SLC6A12: variants seen among roughly 807,000 people sequenced by gnomAD.
SLC6A12 encodes sodium- and chloride-dependent betaine transporter.
Under a neutral mutation model 73.3 loss-of-function variants are expected in SLC6A12, and 50 were observed. The ratio of observed to expected loss-of-function variants is 0.68; its 90% CI spans 0.54 to 0.86. The LOEUF (loss-of-function observed/expected upper bound fraction) is 0.86. Ranked by LOEUF, SLC6A12 falls within the 40% of genes least tolerant of loss-of-function variation. The pLI is 0.00. For synonymous variants in SLC6A12, 304 were observed against 309.2 expected (o/e 0.98, Z 0.18); for missense variants, 648 against 772.8 (o/e 0.84, Z 1.92).
At chr12:212,348 G>A (rs1453165531) in intron 1 of SLC6A12, among the ~76,000 whole-genome samples, 1 of 152,192 alleles carries the variant, frequency 6.6e-6, no homozygotes, top group Admixed American at 6.5e-5. Context: ...TGGGAGAGTG[G>A]AGGCTTGCTG....
chr12:211,969 G>C (rs1940918975), intron 2 of SLC6A12, 57 bp downstream of exon 2: 1 of 152,226 alleles, frequency 6.6e-6, no homozygotes, highest in Admixed American at 6.5e-5. Context: ...TTAAGGAACA[G>C]TGCCTGGCAC....
intron 3 of SLC6A12, among the ~76,000 whole-genome samples, chr12:206,095 G>A (rs181643259): frequency 1.1e-3 from 162 of 152,178 alleles, no homozygotes; most frequent in African/African-American, 3.7e-3. Context: ...CATAATATAA[G>A]CCACTTTAAC....
intron 3 of SLC6A12, among the ~76,000 whole-genome samples, chr12:205,794 C>CT (rs1466160540): frequency 1.3e-5 from 2 of 152,172 alleles, no homozygotes; most frequent in Non-Finnish European, 2.9e-5. Context: ...TTGATAACCA[C>CT]TTTTTAAATT....
intron 11 of SLC6A12, 25 bp from the exon 12 acceptor site, chr12:196,286 T>A (rs1457294573): frequency 6.2e-7 from 1 of 1,601,746 alleles, no homozygotes; most frequent in East Asian, 2.2e-5. Context: ...GGGAACTGGA[T>A]GAGAGGGTGT....
rs1371026173 is a variant in SLC6A12 at position 200,766 on chromosome 12, A to T, written c.596T>A (p.Ile199Asn). The change falls in exon 7 of 16, where the codon ATC (isoleucine) becomes AAC (asparagine). Residue 199 changes from isoleucine to asparagine, a missense_variant. Physicochemically the swap from Ile to Asn is moderately radical, Grantham distance 149 (BLOSUM62 -3). Transcript: ENST00000684302. ...MEFWERRVLG[I>N]TSGIHDLGSL... Reference sequence around the variant, plus strand: ...GCCCAGGTCATGGATGCCCGAGGTGATGCCCAGAACTCGTCTCCTGGAGGA... The same window carrying T: ...GCCCAGGTCATGGATGCCCGAGGTGTTGCCCAGAACTCGTCTCCTGGAGGA... 1.2e-6 allele frequency: 2 copies of T among 1,613,864 alleles called. No individual in the cohort carries two copies.
Position 195,123 on chromosome 12 carries a change from C to G in SLC6A12, c.1429+102G>C, listed in dbSNP as rs1366865942. 4 of 749,834 alleles carry G rather than the reference C, an allele frequency of 5.3e-6. No individual in the cohort carries two copies. In the African/African-American group the frequency reaches 6.9e-5, roughly 13 times the overall value. The allele number at this position is 749,834 out of a possible 1,614,324, so 46.4% of individuals were successfully genotyped here. On this transcript the variant is annotated intron_variant, in intron 13 of 15. Transcript: ENST00000684302. ...GCAACAGCGCAAAGACACACAGAAA[C>G]CAGGGGACCAGAGAACGGCCTCCCC...
rs947627774 is a variant in SLC6A12, at chr12:200,895, G to C, written c.579-112C>G. The stretch of plus-strand genomic sequence containing the variant: ...TGACCCCACGGATCTCATATTCCAG[G>C]GCTTCCCCCACTCCCCACCTCCCCC... On this transcript the variant is annotated intron_variant, in intron 6 of 15. Coordinates refer to ENST00000684302, the MANE Select transcript of SLC6A12 (RefSeq NM_001122848.3). The C allele has an allele frequency of 6.2e-5, 73 of 1,172,020 alleles. 1 individual carries two copies. The African/African-American group carries it at 1.0e-3, about 16-fold the overall frequency. 72.6% of individuals were successfully genotyped at this position (1,172,020 alleles called of 1,614,324 possible). A position where few individuals can be genotyped will look rare whatever the true frequency, so the allele number is the denominator to read the frequency against.
In SLC6A12 at chr12:196,146, A is replaced by G. The variant is rs1489117350; in HGVS notation, c.1304T>C (p.Ile435Thr). 6.4e-7 allele frequency: 1 copy of G among 1,565,368 alleles called. No individual in the cohort carries two copies. Among genetic ancestry groups the G allele is most frequent in the Admixed American group, 1.9e-5 (1 of 51,532 alleles). ...ILTIAVMCYLIGLFLVTEGGM... is the reference protein window; with the variant it reads ...ILTIAVMCYLTGLFLVTEGGM... ...CACCTCGGTGACCAGGAAAAGCCCT[A>G]TCAGGTAGCACATGACGGCGATGGT... The change falls in exon 12 of 16, where the codon ATA becomes ACA. Residue 435 changes from isoleucine to threonine, a missense_variant. By Grantham distance (89) the Ile-to-Thr change is moderately conservative. Coordinates refer to ENST00000684302, the MANE Select transcript of SLC6A12 (RefSeq NM_001122848.3).
intron 2 of SLC6A12, among the ~76,000 whole-genome samples, chr12:211,729 T>G (rs1254436385): frequency 6.6e-6 from 1 of 152,210 alleles, no homozygotes. Context: ...ATTAACAAAC[T>G]AGTGAGCGAG....
intron 12 of SLC6A12, among the ~76,000 whole-genome samples, chr12:195,783 G>C (rs1388307220): frequency 6.6e-6 from 1 of 152,112 alleles, no homozygotes; most frequent in Non-Finnish European, 1.5e-5. Flanking sequence ...AGGAAAACCC[G>C]CCTCTGAGTG....
Position 201,840 on chromosome 12 carries a change from G to A in SLC6A12, c.500C>T (p.Thr167Met), listed in dbSNP as rs200983401. 17 of 1,613,754 alleles carry A rather than the reference G, an allele frequency of 1.1e-5. No homozygotes were observed. In the East Asian group the frequency reaches 1.3e-4, roughly 13 times the overall value. The change falls in exon 6 of 16, where the codon ACG becomes ATG. Residue 167 changes from threonine to methionine, a missense_variant. Coordinates refer to ENST00000684302, the MANE Select transcript of SLC6A12 (RefSeq NM_001122848.3). ...CNNFWNTEHCTDFLNHSGAGT... is the reference protein window; with the variant it reads ...CNNFWNTEHCMDFLNHSGAGT... The stretch of plus-strand genomic sequence containing the variant: ...GGCTCCTGAGTGGTTCAGAAAGTCC[G>A]TGCAATGCTCTGTTGGGGACAAGGT...
rs1011747088 is a variant in SLC6A12 at position 195,324 on chromosome 12, C to T, written c.1330G>A (p.Gly444Arg). The T allele has an allele frequency of 5.6e-6, 9 of 1,603,798 alleles. No homozygotes were observed. The African/African-American group carries it at 8.0e-5, about 14-fold the overall frequency. ...LIGLFLVTEG[G>R]MYIFQLFDYY... The stretch of plus-strand genomic sequence containing the variant: ...TCAAACAGCTGGAAGATGTACATCC[C>T]GCCCTGTGGGGAGAGCGTGGAGCTG... The change falls in exon 13 of 16, where the codon GGG (glycine) becomes AGG (arginine). Residue 444 changes from glycine (G) to arginine (R), a missense_variant. By Grantham distance (125) the Gly-to-Arg change is moderately radical. Transcript: ENST00000684302.
downstream of SLC6A12, among the ~76,000 whole-genome samples, chr12:187,589 C>A (rs1315860178): frequency 2.8e-5 from 3 of 106,074 alleles, no homozygotes; most frequent in African/African-American, 1.6e-4. Context: ...TGCAAAAGAG[C>A]AAAAAAAAAA....
intron 3 of SLC6A12, among the ~76,000 whole-genome samples, chr12:207,364 C>G (rs555128717): frequency 2.0e-5 from 3 of 152,374 alleles, no homozygotes; most frequent in Admixed American, 1.3e-4. Flanking sequence ...CATGCTCTTT[C>G]CTGAACCACT....
At position 204,610 on chromosome 12, in the gene SLC6A12, G is replaced by A; in HGVS notation, c.303C>T (p.Ser101=). Residue 101 remains serine, a synonymous_variant, in exon 4 of 16, where the codon AGC becomes AGT. Coordinates refer to ENST00000684302, the MANE Select transcript of SLC6A12 (RefSeq NM_001122848.3). ...TCCTCCAGGCTGTGACACTCCCTTGGCTGGTGTATTGGCCCAACGCCACCT... is the reference window on the plus strand; with the variant it reads ...TCCTCCAGGCTGTGACACTCCCTTGACTGGTGTATTGGCCCAACGCCACCT... ...FLEVALGQYT[S]QGSVTAWRKI... is the part of the protein sequence containing the mutation. 1 of 1,614,196 alleles carries A rather than the reference G, an allele frequency of 6.2e-7. No homozygotes were observed. The highest frequency in any genetic ancestry group is 8.5e-7 in the Non-Finnish European group (1 of 1,179,998).
chr12:185,210 A>G (rs1195145371), downstream of SLC6A12, among the ~76,000 whole-genome samples: 1 of 152,260 alleles, frequency 6.6e-6, no homozygotes, highest in Non-Finnish European at 1.5e-5. Context: ...GTCTCCGGAC[A>G]GCTGGCCGGG....
chr12:210,241 C>T, intron 2 of SLC6A12, 198 bp from the exon 3 acceptor site: 1 of 1,132,568 alleles, frequency 8.8e-7, no homozygotes, highest in African/African-American at 1.6e-5. Flanking sequence ...GAAATCCAGG[C>T]CTTGGCAGAT....
At chr12:197,842 G>T (rs528390717) in intron 9 of SLC6A12, 58 bp downstream of exon 9, 2 of 1,280,886 alleles carry the variant, frequency 1.6e-6, no homozygotes, top group South Asian at 2.5e-5. Flanking sequence ...TCTTTGCCCA[G>T]AACCCATCCC....
chr12:206,122 G>C (rs185822954), intron 3 of SLC6A12, among the ~76,000 whole-genome samples: 2 of 152,214 alleles, frequency 1.3e-5, no homozygotes, highest in Admixed American at 1.3e-4. Context: ...TAAGTATACA[G>C]TTCAGTGGCA....
Sources: allele counts gnomAD v4.1 joint callset (sites outside exome capture counted in the v4.1 genomes callset), GRCh38; gene constraint gnomAD v4.1.1; transcripts MANE v1.5; gene names NCBI Gene and HGNC (gene_info 2026-07-23, HGNC 2026-07-21).